Variants in MARK1 observed in about 807,000 individuals in gnomAD.
The protein encoded by MARK1 is microtubule affinity regulating kinase 1, also known as serine/threonine-protein kinase MARK1.
A neutral mutation model predicts 96.3 loss-of-function variants in MARK1; 40 were observed. The ratio of observed to expected loss-of-function variants is 0.42; its 90% CI spans 0.32 to 0.54. The LOEUF (loss-of-function observed/expected upper bound fraction) is 0.54. MARK1 is among the 20% of genes least tolerant of loss of function. The pLI is 0.16. For missense variants in MARK1, 719 were observed against 984.6 expected, an observed-to-expected ratio of 0.73 and a Z score of 3.61; for synonymous variants, 317 against 341.2, an observed-to-expected ratio of 0.93 and a Z score of 0.78.
chr1:220,659,866 C>T (rs1282845015), intron 17 of MARK1, among the ~76,000 whole-genome samples: 1 of 152,168 alleles, frequency 6.6e-6, no homozygotes, highest in Non-Finnish European at 1.5e-5. Flanking sequence ...TCTCAGCTCA[C>T]TGCAACCTCC....
At chr1:220,561,900 A>G (rs1202591156) in intron 1 of MARK1, among the ~76,000 whole-genome samples, 1 of 152,158 alleles carries the variant, frequency 6.6e-6, no homozygotes, top group Non-Finnish European at 1.5e-5. Context: ...AATGGATGAC[A>G]TTGCGAGCTT....
chr1:220,661,775 T>C (rs762507489), intron 17 of MARK1, 37 bp from the exon 18 acceptor site: 3 of 1,451,490 alleles, frequency 2.1e-6, no homozygotes, highest in Non-Finnish European at 2.8e-6. Context: ...GAGTGAAATA[T>C]TTGCTTTCAT....
At chr1:220,607,505 C>T (rs1271392320) in intron 6 of MARK1, among the ~76,000 whole-genome samples, 1 of 151,978 alleles carries the variant, frequency 6.6e-6, no homozygotes, top group Non-Finnish European at 1.5e-5. Flanking sequence ...CCTAATTGAA[C>T]ACCCTTTATT....
At chr1:220,622,791 A>T (rs1320189692) in intron 9 of MARK1, among the ~76,000 whole-genome samples, 1 of 152,146 alleles carries the variant, frequency 6.6e-6, no homozygotes, top group African/African-American at 2.4e-5. Context: ...AGGCTGAAGC[A>T]CGAGGATTGC....
At chr1:220,650,381 C>A (rs766300871) in intron 13 of MARK1, among the ~76,000 whole-genome samples, 1 of 152,178 alleles carries the variant, frequency 6.6e-6, no homozygotes, top group Non-Finnish European at 1.5e-5. Context: ...CCTATTGCTT[C>A]CAAACTGCTG....
chr1:220,573,456 G>A (rs1019981587), intron 1 of MARK1, among the ~76,000 whole-genome samples: 34 of 151,756 alleles, frequency 2.2e-4, no homozygotes, highest in African/African-American at 6.0e-4. Context: ...CCTGAGTAGC[G>A]GGGACTACAG....
chr1:220,611,701 G>T (rs1242167802), intron 6 of MARK1, among the ~76,000 whole-genome samples: 2 of 151,892 alleles, frequency 1.3e-5, no homozygotes, highest in Non-Finnish European at 2.9e-5. Flanking sequence ...AATGTCCCTC[G>T]ACATGTATTT....
intron 3 of MARK1, among the ~76,000 whole-genome samples, chr1:220,585,092 G>A (rs1000370856): frequency 9.2e-5 from 14 of 152,138 alleles, no homozygotes; most frequent in Admixed American, 3.3e-4. Flanking sequence ...CAATAATGAT[G>A]AAATACCCCT....
At chr1:220,550,695 A>G (rs1023911954) in intron 1 of MARK1, among the ~76,000 whole-genome samples, 4 of 152,204 alleles carry the variant, frequency 2.6e-5, no homozygotes, top group African/African-American at 9.6e-5. Flanking sequence ...AGATATTTTC[A>G]TCTTTCTTAA....
At chr1:220,588,450 C>G (rs1028343335) in intron 3 of MARK1, among the ~76,000 whole-genome samples, 1 of 152,090 alleles carries the variant, frequency 6.6e-6, no homozygotes, top group Non-Finnish European at 1.5e-5. Context: ...TGCAAGTTAT[C>G]AAGTTTATAA....
intron 1 of MARK1, among the ~76,000 whole-genome samples, chr1:220,553,613 TG>T (rs1438388640): frequency 6.6e-6 from 1 of 152,202 alleles, no homozygotes; most frequent in Non-Finnish European, 1.5e-5. Flanking sequence ...CCCAACTTTT[TG>T]GCTTGATGAA....
intron 9 of MARK1, among the ~76,000 whole-genome samples, chr1:220,630,168 G>T (rs1391767070): frequency 1.3e-5 from 2 of 152,114 alleles, no homozygotes; most frequent in Non-Finnish European, 2.9e-5. Flanking sequence ...AGCTCACTAT[G>T]GTTTTGAGTT....
chr1:220,620,447 G>A (rs1666992227), intron 9 of MARK1, among the ~76,000 whole-genome samples: 2 of 152,070 alleles, frequency 1.3e-5, no homozygotes, highest in African/African-American at 2.4e-5. Flanking sequence ...CTTGACCTGA[G>A]TGACACAATA....
intron 9 of MARK1, chr1:220,627,152 A>AT (rs1348262448): frequency 2.0e-6 from 1 of 493,030 alleles, no homozygotes; most frequent in African/African-American, 2.0e-5. Context: ...AATGCAGGTG[A>AT]TTCCAGAGGA....
Position 220,618,219 on chromosome 1 carries a change from GAT to G in MARK1, c.553-88_553-87del. 1.3e-6 allele frequency: 1 copy of G among 782,348 alleles called. No homozygotes were observed. Among genetic ancestry groups the G allele is most frequent in the South Asian group, 1.8e-5 (1 of 57,016 alleles). 48.5% of individuals were successfully genotyped at this position (782,348 alleles called of 1,614,324 possible). A position where few individuals can be genotyped will look rare whatever the true frequency, so the allele number is the denominator to read the frequency against. On this transcript the variant is annotated intron_variant, in intron 7 of 17. Coordinates refer to ENST00000366917, the MANE Select transcript of MARK1 (RefSeq NM_018650.5). The surrounding 1 kb of genome is among the most constrained non-coding windows in gnomAD (Gnocchi z 4.6). ...CTACATTTAGAAATGAGGGGCAAGA[GAT>G]ATGTAAGTTTGGAAGCTAAAACTCT... is the stretch of plus-strand genomic sequence containing the variant.
At chr1:220,651,933 C>A in intron 14 of MARK1, 53 bp from the exon 15 acceptor site, 2 of 1,419,286 alleles carry the variant, frequency 1.4e-6, no homozygotes, top group Non-Finnish European at 1.9e-6. Flanking sequence ...TTTAGTAAAC[C>A]ACAAATTTTC....
intron 1 of MARK1, among the ~76,000 whole-genome samples, chr1:220,567,946 C>T (rs1355209517): frequency 6.6e-6 from 1 of 151,992 alleles, no homozygotes; most frequent in African/African-American, 2.4e-5. Flanking sequence ...ACTTTTTTTA[C>T]TTCAGTTGTT....
chr1:220,532,725 G>A (rs996554741), intron 1 of MARK1, among the ~76,000 whole-genome samples: 10 of 152,114 alleles, frequency 6.6e-5, no homozygotes, highest in African/African-American at 2.4e-4. Flanking sequence ...GTCTTAAAGA[G>A]TTTAGAAGAG....
chr1:220,659,286 G>GA (rs925392834), intron 17 of MARK1, among the ~76,000 whole-genome samples: 9 of 150,834 alleles, frequency 6.0e-5, no homozygotes, highest in South Asian at 2.1e-4. Context: ...TTTTACAGAT[G>GA]AAAAAAAACA....
Sources: gnomAD v4.1 joint callset for allele counts (sites outside exome capture counted in the v4.1 genomes callset) on GRCh38, gnomAD v4.1.1 for gene constraint, Gnocchi (gnomAD v3.1) non-coding constraint, MANE v1.5 for transcripts, NCBI Gene and HGNC (gene_info 2026-07-23, HGNC 2026-07-21) for gene names.